Variants in SH3D19 observed in about 807,000 individuals in gnomAD.
SH3D19 encodes the protein SH3 domain-containing protein 19.
A neutral mutation model predicts 112.1 loss-of-function variants in SH3D19; 58 were observed. The observed-to-expected ratio is 0.52, with a 90% confidence interval of 0.42 to 0.64. SH3D19 has a LOEUF of 0.64. Among genes scored for constraint, SH3D19 ranks in the 30% least tolerant of loss-of-function variants. The pLI is 0.00. For missense variants in SH3D19, 1,090 were observed against 1,263.4 expected, an observed-to-expected ratio of 0.86 and a Z score of 2.08; for synonymous variants, 391 against 448.5, an observed-to-expected ratio of 0.87 and a Z score of 1.62.
At chr4:151,123,148 C>T (rs10009307) in intron 19 of SH3D19, among the ~76,000 whole-genome samples, 12,264 of 152,148 alleles carry the variant, frequency 0.081, 870 homozygotes, top group East Asian at 0.19. Flanking sequence ...CTGCCCCTGG[C>T]TGAGATATAT....
At chr4:151,195,479 A>G (rs903749388) in intron 2 of SH3D19, among the ~76,000 whole-genome samples, 1 of 152,060 alleles carries the variant, frequency 6.6e-6, no homozygotes, top group Non-Finnish European at 1.5e-5. Context: ...GCTGGGCACC[A>G]AAGAAAGAAG....
chr4:151,266,513 G>A (rs1772805994), intron 1 of SH3D19, among the ~76,000 whole-genome samples: 1 of 152,204 alleles, frequency 6.6e-6, no homozygotes, highest in Non-Finnish European at 1.5e-5. Flanking sequence ...TGAAGAAGAG[G>A]TGCCCTGGTT....
chr4:151,270,527 G>A (rs1773157069), intron 1 of SH3D19, among the ~76,000 whole-genome samples: 1 of 152,152 alleles, frequency 6.6e-6, no homozygotes, highest in South Asian at 2.1e-4. Flanking sequence ...AAATTACTCA[G>A]TCTCAGGTAT....
chr4:151,236,787 G>T (rs547943459), intron 1 of SH3D19, among the ~76,000 whole-genome samples: 173 of 151,820 alleles, frequency 1.1e-3, no homozygotes, highest in Non-Finnish European at 1.8e-3. Flanking sequence ...ATTGTAAATG[G>T]CCAATCGGCA....
intron 1 of SH3D19, among the ~76,000 whole-genome samples, chr4:151,303,943 AT>A (rs397717601): frequency 1.2e-4 from 17 of 146,500 alleles, no homozygotes; most frequent in African/African-American, 1.5e-4. Flanking sequence ...TTGCTCTCTC[AT>A]TTTTTTTTTT....
intron 1 of SH3D19, among the ~76,000 whole-genome samples, chr4:151,317,378 G>A (rs1730091008): frequency 2.6e-5 from 4 of 152,186 alleles, no homozygotes; most frequent in African/African-American, 9.7e-5. Context: ...ATGCTACAAA[G>A]CTAATTGACA....
intron 15 of SH3D19, among the ~76,000 whole-genome samples, chr4:151,133,880 T>C (rs145152940): frequency 6.6e-5 from 10 of 152,218 alleles, no homozygotes; most frequent in Non-Finnish European, 1.5e-4. Flanking sequence ...ATCTGCAATT[T>C]TGACTGAAAA....
chr4:151,156,819 T>C (rs1319014440), intron 9 of SH3D19, among the ~76,000 whole-genome samples: 1 of 152,174 alleles, frequency 6.6e-6, no homozygotes, highest in Non-Finnish European at 1.5e-5. Flanking sequence ...AATGGGCTTA[T>C]ATCAACCAAA....
At chr4:151,240,173 G>A (rs1406216553) in intron 1 of SH3D19, among the ~76,000 whole-genome samples, 2 of 152,170 alleles carry the variant, frequency 1.3e-5, no homozygotes, top group Non-Finnish European at 2.9e-5. Flanking sequence ...GGGAGGCTGA[G>A]GTGGAAGGAT....
chr4:151,319,348 C>A (rs1330857951), intron 1 of SH3D19, among the ~76,000 whole-genome samples: 1 of 152,168 alleles, frequency 6.6e-6, no homozygotes, highest in East Asian at 1.9e-4. Context: ...CTGTACCTGG[C>A]CCAGGTCTTC....
chr4:151,223,003 C>CTT (rs33925824), intron 2 of SH3D19, among the ~76,000 whole-genome samples: 21 of 115,786 alleles, frequency 1.8e-4, no homozygotes, highest in African/African-American at 4.5e-4. Context: ...TTCTCCCAGC[C>CTT]TTTTTTTTTT....
rs1258976277 is a variant in SH3D19, at chr4:151,159,259, A to T, written c.1736T>A (p.Val579Asp). 1 of 1,544,894 alleles carries T rather than the reference A, an allele frequency of 6.5e-7. No homozygotes were observed. Among genetic ancestry groups the T allele is most frequent in the African/African-American group, 1.4e-5 (1 of 70,656 alleles). Residue 579 changes from valine to aspartate, a missense_variant, in exon 9 of 20, where the codon GTT becomes GAT. Physicochemically the swap from Val to Asp is radical, Grantham distance 152. Transcript: ENST00000604030. ...ACTTACCAAGTTTCTAGTTCTCTCA[A>T]CATTACTGAGCTTTCCAGATACTGT... ...FSTVSGKLSN[V>D]ERTRNLESNH...
chr4:151,241,066 C>A (rs1301793414), intron 1 of SH3D19, among the ~76,000 whole-genome samples: 1 of 151,698 alleles, frequency 6.6e-6, no homozygotes, highest in Non-Finnish European at 1.5e-5. Flanking sequence ...GGGAGGATTG[C>A]CTTAGCCCAG....
intron 1 of SH3D19, among the ~76,000 whole-genome samples, chr4:151,267,700 G>A (rs1416489101): frequency 6.6e-6 from 1 of 152,122 alleles, no homozygotes; most frequent in African/African-American, 2.4e-5. Flanking sequence ...AATTCCTTTA[G>A]TATGAGAAGT....
At chr4:151,240,657 A>G (rs753156212) in intron 1 of SH3D19, among the ~76,000 whole-genome samples, 2 of 152,044 alleles carry the variant, frequency 1.3e-5, no homozygotes, top group Non-Finnish European at 2.9e-5. Flanking sequence ...GTTGGCAAAG[A>G]TGTTGAGAAA....
At chr4:151,267,828 T>G (rs2149994642) in intron 1 of SH3D19, among the ~76,000 whole-genome samples, 1 of 152,262 alleles carries the variant, frequency 6.6e-6, no homozygotes, top group African/African-American at 2.4e-5. Flanking sequence ...AGGGCATTAG[T>G]GTTTCAAGCA....
At chr4:151,307,972 G>A (rs376480717) in intron 1 of SH3D19, among the ~76,000 whole-genome samples, 1 of 152,250 alleles carries the variant, frequency 6.6e-6, no homozygotes, top group Admixed American at 6.5e-5. Flanking sequence ...GTGCAATGGT[G>A]CGATCTCACT....
At chr4:151,300,797 G>T in intron 1 of SH3D19, among the ~76,000 whole-genome samples, 1 of 152,034 alleles carries the variant, frequency 6.6e-6, no homozygotes, top group East Asian at 1.9e-4. Context: ...TGGCCAGTTT[G>T]AAGTCTGTTG....
chr4:151,271,334 T>A (rs1052730210), intron 1 of SH3D19, among the ~76,000 whole-genome samples: 1 of 152,254 alleles, frequency 6.6e-6, no homozygotes, highest in South Asian at 2.1e-4. Context: ...CCATTTGCCC[T>A]TTCTGTTAAT....
Sources: allele counts gnomAD v4.1 joint callset (sites outside exome capture counted in the v4.1 genomes callset), GRCh38; gene constraint gnomAD v4.1.1; transcripts MANE v1.5; gene names NCBI Gene and HGNC (gene_info 2026-07-23, HGNC 2026-07-21).